Variants in DGKB observed in about 807,000 individuals in gnomAD.
DGKB encodes the protein 90 kDa diacylglycerol kinase.
Under a neutral mutation model 114.3 loss-of-function variants are expected in DGKB, and 67 were observed. The observed-to-expected ratio is 0.59, with a 90% confidence interval of 0.48 to 0.72. The LOEUF is 0.72. Ranked by LOEUF, DGKB falls within the 30% of genes least tolerant of loss-of-function variation. DGKB has a pLI of 0.00. For missense variants in DGKB, 907 were observed against 975.2 expected (o/e 0.93, Z 0.93); for synonymous variants, 398 against 323.1 (o/e 1.23, Z -2.49).
intron 23 of DGKB, among the ~76,000 whole-genome samples, chr7:14,246,563 A>G (rs566302145): frequency 1.4e-4 from 21 of 152,028 alleles, no homozygotes; most frequent in Non-Finnish European, 2.2e-4. Flanking sequence ...TAAAGAATAT[A>G]CTCTGTAAGT....
intron 1 of DGKB, among the ~76,000 whole-genome samples, chr7:14,932,571 C>T (rs1167108863): frequency 6.6e-6 from 1 of 152,068 alleles, no homozygotes; most frequent in Admixed American, 6.6e-5. Context: ...TTTATGCCAC[C>T]CCTATGGGCA....
At chr7:14,609,066 T>A (rs1196226994) in intron 16 of DGKB, among the ~76,000 whole-genome samples, 2 of 152,024 alleles carry the variant, frequency 1.3e-5, no homozygotes, top group South Asian at 4.1e-4. Flanking sequence ...AAAACTCTTC[T>A]AAAATTCATG....
chr7:14,481,491 ATCTT>A (rs1352122132), intron 20 of DGKB, among the ~76,000 whole-genome samples: 1 of 151,956 alleles, frequency 6.6e-6, no homozygotes, highest in Non-Finnish European at 1.5e-5. Flanking sequence ...TGTTTAAATA[ATCTT>A]TCTCTCACAA....
At chr7:14,753,970 G>C in intron 3 of DGKB, 22 bp from the exon 4 acceptor site, 4 of 1,476,528 alleles carry the variant, frequency 2.7e-6, no homozygotes, top group East Asian at 2.4e-5. Context: ...AGGAAAGAAA[G>C]AATACATGTG....
At chr7:14,833,618 C>G (rs1295665381) in intron 2 of DGKB, among the ~76,000 whole-genome samples, 3 of 152,002 alleles carry the variant, frequency 2.0e-5, no homozygotes, top group African/African-American at 7.2e-5. Flanking sequence ...ATCTAAAGAC[C>G]CACTTTTTGT....
intron 20 of DGKB, among the ~76,000 whole-genome samples, chr7:14,539,944 C>T (rs1330615479): frequency 2.0e-5 from 3 of 151,908 alleles, no homozygotes; most frequent in Non-Finnish European, 2.9e-5. Flanking sequence ...TAATTAATCT[C>T]GTGTAGCATG....
At chr7:14,399,915 A>C (rs1156342170) in intron 21 of DGKB, among the ~76,000 whole-genome samples, 4 of 152,048 alleles carry the variant, frequency 2.6e-5, no homozygotes, top group African/African-American at 9.6e-5. Context: ...GATAGAAGAG[A>C]TACACGAAGG....
chr7:14,695,514 T>TTTTTTG, intron 8 of DGKB, among the ~76,000 whole-genome samples: 1 of 140,344 alleles, frequency 7.1e-6, no homozygotes, highest in Non-Finnish European at 1.5e-5. Flanking sequence ...TTTTTTTTTT[T>TTTTTTG]TTTGAGATGG....
intron 1 of DGKB, among the ~76,000 whole-genome samples, chr7:14,848,835 G>A (rs1267343513): frequency 6.6e-6 from 1 of 152,068 alleles, no homozygotes; most frequent in Non-Finnish European, 1.5e-5. Flanking sequence ...CCAATGGGCT[G>A]GTTGAGAATT....
chr7:14,202,397 C>T (rs1786039186), intron 23 of DGKB, among the ~76,000 whole-genome samples: 1 of 151,986 alleles, frequency 6.6e-6, no homozygotes, highest in Non-Finnish European at 1.5e-5. Flanking sequence ...AGGTATCTGT[C>T]ATTAATTACT....
chr7:14,769,321 T>C (rs1398869009), intron 2 of DGKB, among the ~76,000 whole-genome samples: 1 of 151,918 alleles, frequency 6.6e-6, no homozygotes, highest in Non-Finnish European at 1.5e-5. Flanking sequence ...CAGTTTGATA[T>C]GGTTTTAGAG....
At chr7:14,586,127 C>T (rs984574210) in intron 17 of DGKB, among the ~76,000 whole-genome samples, 1 of 152,072 alleles carries the variant, frequency 6.6e-6, no homozygotes, top group Admixed American at 6.6e-5. Flanking sequence ...AAAGCACAGG[C>T]AGGCCAAAAG....
At position 14,189,937 on chromosome 7, in the gene DGKB, T is replaced by C. The variant is rs193289735; in HGVS notation, c.2123-11786A>G. Among the ~76,000 whole-genome samples, 400 of 152,196 alleles carry C rather than the reference T, an allele frequency of 2.6e-3. 1 individual carries two copies. The highest frequency in any genetic ancestry group is 9.4e-3 in the African/African-American group (389 of 41,530). On this transcript the variant is annotated intron_variant, in intron 23 of 25. Transcript: ENST00000402815. ...CCGTTATTAGATCTAAAGGGAGAGATAGAACACAATACAAAATAGTAGGGG... is the reference window on the plus strand; with the variant it reads ...CCGTTATTAGATCTAAAGGGAGAGACAGAACACAATACAAAATAGTAGGGG...
chr7:14,746,682 A>G (rs1833336712), intron 4 of DGKB, among the ~76,000 whole-genome samples: 1 of 152,062 alleles, frequency 6.6e-6, no homozygotes, highest in Admixed American at 6.6e-5. Context: ...TATTTTTAGT[A>G]GAGACAGGGT....
chr7:14,351,501 C>T (rs756464263), intron 21 of DGKB, among the ~76,000 whole-genome samples: 17 of 152,150 alleles, frequency 1.1e-4, no homozygotes, highest in Non-Finnish European at 2.4e-4. Flanking sequence ...TTCTTGAAGT[C>T]CCCTGGGAAA....
intron 20 of DGKB, among the ~76,000 whole-genome samples, chr7:14,512,061 G>A (rs112661119): frequency 8.3e-6 from 1 of 120,418 alleles, no homozygotes; most frequent in South Asian, 2.9e-4. Flanking sequence ...TTACCAAAAA[G>A]TGACAGAAAC....
At chr7:14,917,451 G>A (rs1248139400) in intron 1 of DGKB, among the ~76,000 whole-genome samples, 1 of 151,866 alleles carries the variant, frequency 6.6e-6, no homozygotes, top group Non-Finnish European at 1.5e-5. Flanking sequence ...GGTCATCACT[G>A]ATCCCATTTA....
chr7:14,843,384 G>T (rs1261786691), intron 1 of DGKB, among the ~76,000 whole-genome samples: 1 of 123,130 alleles, frequency 8.1e-6, no homozygotes, highest in Non-Finnish European at 1.6e-5. Context: ...CCGGACTGCG[G>T]ACTGCAGTGG....
chr7:14,725,047 T>G (rs1051590514), intron 5 of DGKB, among the ~76,000 whole-genome samples: 3 of 152,128 alleles, frequency 2.0e-5, no homozygotes, highest in African/African-American at 7.2e-5. Context: ...TGGCATGCAT[T>G]TGTAGTCCCA....
Sources: allele counts gnomAD v4.1 joint callset (sites outside exome capture counted in the v4.1 genomes callset), GRCh38; gene constraint gnomAD v4.1.1; transcripts MANE v1.5; gene names NCBI Gene and HGNC (gene_info 2026-07-23, HGNC 2026-07-21).